The following RFX3 variants were observed in gnomAD, a reference collection of about 807,000 sequenced individuals.
The protein encoded by RFX3 is transcription factor RFX3.
In RFX3, 14 loss-of-function variants were observed where a neutral mutation model predicts 98.6. That is an observed-to-expected ratio of 0.14 (90% CI 0.09 to 0.22). The LOEUF (loss-of-function observed/expected upper bound fraction) is 0.22, where lower values mean the gene tolerates loss of function less well. Ranked by LOEUF, RFX3 falls within the 10% of genes least tolerant of loss-of-function variation. The pLI is 1.00. For missense variants in RFX3, 639 were observed against 926.9 expected (o/e 0.69, Z 4.03); for synonymous variants, 383 against 328.4 (o/e 1.17, Z -1.80).
intron 1 of RFX3, among the ~76,000 whole-genome samples, chr9:3,424,938 A>AT (rs1229996006): frequency 6.6e-6 from 1 of 152,138 alleles, no homozygotes; most frequent in East Asian, 1.9e-4. Context: ...ATAAGAAATG[A>AT]TTTTTTGTTG....
intron 2 of RFX3, among the ~76,000 whole-genome samples, chr9:3,353,089 T>C (rs1835344522): frequency 6.6e-6 from 1 of 150,650 alleles, no homozygotes; most frequent in African/African-American, 2.4e-5. Context: ...CAGCAAACTA[T>C]CGCAAGGACA....
intron 2 of RFX3, among the ~76,000 whole-genome samples, chr9:3,371,674 AG>A (rs2131564280): frequency 6.6e-6 from 1 of 152,354 alleles, no homozygotes; most frequent in Non-Finnish European, 1.5e-5. Context: ...AGGAAGTCCA[AG>A]AAAGAGTAAC....
At chr9:3,285,653 G>C (rs905630897) in intron 7 of RFX3, among the ~76,000 whole-genome samples, 2 of 151,420 alleles carry the variant, frequency 1.3e-5, no homozygotes, top group African/African-American at 4.8e-5. Flanking sequence ...CATTTTAAGA[G>C]CAACTGTCTA....
At chr9:3,394,575 T>C (rs1303221296) in intron 2 of RFX3, among the ~76,000 whole-genome samples, 1 of 152,176 alleles carries the variant, frequency 6.6e-6, no homozygotes, top group Non-Finnish European at 1.5e-5. Context: ...CAATTCTATA[T>C]CCTGTAAAGA....
chr9:3,431,800 C>G (rs929169058), intron 1 of RFX3, among the ~76,000 whole-genome samples: 1 of 152,058 alleles, frequency 6.6e-6, no homozygotes, highest in Non-Finnish European at 1.5e-5. Context: ...CAGACGAGTT[C>G]CCAGACAAAT....
At chr9:3,330,689 A>C (rs1832491658) in intron 3 of RFX3, among the ~76,000 whole-genome samples, 172 bp from the exon 4 acceptor site, 1 of 152,194 alleles carries the variant, frequency 6.6e-6, no homozygotes, top group African/African-American at 2.4e-5. Context: ...TTACTTTTCA[A>C]ATTAAGGGGC....
At chr9:3,505,437 T>TTTTATATAAATATAAAATAAAATAC (rs1816972513) in intron 1 of RFX3, among the ~76,000 whole-genome samples, 3 of 14,112 alleles carry the variant, frequency 2.1e-4, no homozygotes, top group African/African-American at 5.7e-4. Context: ...AAATAAAATA[T>TTTTATATAAATATAAAATAAAATAC]TTTATATTTA....
chr9:3,355,306 A>G (rs1335435356), intron 2 of RFX3, among the ~76,000 whole-genome samples: 1 of 151,832 alleles, frequency 6.6e-6, no homozygotes, highest in Non-Finnish European at 1.5e-5. Flanking sequence ...ACTATATGCT[A>G]TCCACCAAAA....
intron 7 of RFX3, among the ~76,000 whole-genome samples, chr9:3,284,909 C>G (rs548007674): frequency 2.0e-5 from 3 of 151,748 alleles, no homozygotes; most frequent in African/African-American, 7.2e-5. Context: ...ATGTTCCATA[C>G]AGTGGTATTG....
chr9:3,317,051 G>C (rs12683752), intron 4 of RFX3, among the ~76,000 whole-genome samples: 1 of 152,052 alleles, frequency 6.6e-6, no homozygotes, highest in Non-Finnish European at 1.5e-5. Context: ...AAAAGAGCCC[G>C]CATTGCCCAG....
At chr9:3,387,486 A>C (rs1288443628) in intron 2 of RFX3, among the ~76,000 whole-genome samples, 1 of 152,176 alleles carries the variant, frequency 6.6e-6, no homozygotes. Context: ...AAAGGGCCTT[A>C]ATATTGGATT....
chr9:3,318,360 C>G (rs770995917), intron 4 of RFX3, among the ~76,000 whole-genome samples: 1 of 151,854 alleles, frequency 6.6e-6, no homozygotes, highest in Non-Finnish European at 1.5e-5. Flanking sequence ...CATCACACTC[C>G]GGGCACTGCT....
At chr9:3,455,262 T>G (rs1378976126) in intron 1 of RFX3, among the ~76,000 whole-genome samples, 2 of 152,202 alleles carry the variant, frequency 1.3e-5, no homozygotes, top group African/African-American at 4.8e-5. Flanking sequence ...TCTGTATGCA[T>G]CAGACAGGCT....
intron 1 of RFX3, among the ~76,000 whole-genome samples, chr9:3,441,865 G>A (rs1368310676): frequency 2.0e-5 from 3 of 151,980 alleles, no homozygotes; most frequent in African/African-American, 7.3e-5. Flanking sequence ...TATAATTAGT[G>A]ACTTGCTTCC....
chr9:3,423,227 T>C (rs763433070), intron 1 of RFX3, among the ~76,000 whole-genome samples: 3 of 152,188 alleles, frequency 2.0e-5, no homozygotes, highest in Non-Finnish European at 4.4e-5. Flanking sequence ...AGGAAGCACT[T>C]TGAAAGGTGC....
chr9:3,467,046 ATG>A, intron 1 of RFX3, among the ~76,000 whole-genome samples: 1 of 140,038 alleles, frequency 7.1e-6, no homozygotes, highest in Non-Finnish European at 1.5e-5. Flanking sequence ...ATATATATAT[ATG>A]TATATACATA....
At chr9:3,461,276 T>A (rs1847664102) in intron 1 of RFX3, among the ~76,000 whole-genome samples, 1 of 151,946 alleles carries the variant, frequency 6.6e-6, no homozygotes, top group Non-Finnish European at 1.5e-5. Context: ...TCACCATTTT[T>A]ATTCATTTAA....
intron 1 of RFX3, among the ~76,000 whole-genome samples, chr9:3,407,168 G>A (rs1459568219): frequency 1.3e-5 from 2 of 152,034 alleles, no homozygotes; most frequent in South Asian, 2.1e-4. Context: ...TGACTTCATC[G>A]TTAATTAACC....
rs578261237 is a variant in RFX3 at position 3,432,437 on chromosome 9, A to G, written c.-8-36841T>C. On this transcript the variant is annotated intron_variant, in intron 1 of 16. Transcript: ENST00000617270. ...AAGAGATTACACCATTGAAGAGACC[A>G]TGGTTGTTACAGAAAAACCTGTGAA... 9.2e-5 allele frequency among the ~76,000 whole-genome samples: 14 copies of G among 152,320 alleles called. No homozygotes were observed. The East Asian group carries it at 2.1e-3, about 23-fold the overall frequency.
Sources: allele counts gnomAD v4.1 joint callset (sites outside exome capture counted in the v4.1 genomes callset), GRCh38; gene constraint gnomAD v4.1.1; transcripts MANE v1.5; gene names NCBI Gene and HGNC (gene_info 2026-07-23, HGNC 2026-07-21).